Variants in PRKG1 observed in about 807,000 individuals in gnomAD.
PRKG1 encodes the protein cGMP-dependent protein kinase 1.
A neutral mutation model predicts 88.1 loss-of-function variants in PRKG1; 35 were observed. The observed-to-expected ratio is 0.40, with a 90% CI of 0.30 to 0.53. PRKG1 has a LOEUF of 0.53. Ranked by LOEUF, PRKG1 falls within the 20% of genes least tolerant of loss-of-function variation. The pLI, the probability that PRKG1 is intolerant of heterozygous loss-of-function variation, is 0.59. For missense variants in PRKG1, 540 were observed against 839.8 expected, an observed-to-expected ratio of 0.64 and a Z score of 4.41; for synonymous variants, 303 against 292.5, an observed-to-expected ratio of 1.04 and a Z score of -0.37.
At chr10:51,060,980 AGGT>A (rs1843684953) in intron 1 of PRKG1, among the ~76,000 whole-genome samples, 1 of 151,308 alleles carries the variant, frequency 6.6e-6, no homozygotes. Flanking sequence ...GTTCCTTTGA[AGGT>A]TGCAGATATT....
At chr10:51,609,359 T>A (rs971340559) in intron 3 of PRKG1, among the ~76,000 whole-genome samples, 7 of 152,132 alleles carry the variant, frequency 4.6e-5, no homozygotes, top group African/African-American at 1.7e-4. Context: ...TGTCATTTTT[T>A]AAATATTGTT....
At chr10:51,542,990 A>G (rs1842347564) in intron 3 of PRKG1, among the ~76,000 whole-genome samples, 1 of 152,164 alleles carries the variant, frequency 6.6e-6, no homozygotes, top group South Asian at 2.1e-4. Context: ...CAAACCCATA[A>G]ACAGGAGTGG....
At chr10:51,644,718 T>G (rs1442235428) in intron 3 of PRKG1, among the ~76,000 whole-genome samples, 1 of 152,152 alleles carries the variant, frequency 6.6e-6, no homozygotes, top group Non-Finnish European at 1.5e-5. Flanking sequence ...TGTTTAGAGA[T>G]GCACAATCTG....
At chr10:51,359,383 A>G (rs1483548656) in intron 2 of PRKG1, among the ~76,000 whole-genome samples, 1 of 151,830 alleles carries the variant, frequency 6.6e-6, no homozygotes, top group African/African-American at 2.4e-5. Context: ...CTAGAGATAC[A>G]TAGATTACCT....
At chr10:51,420,342 G>A (rs1838374635) in intron 2 of PRKG1, among the ~76,000 whole-genome samples, 1 of 152,094 alleles carries the variant, frequency 6.6e-6, no homozygotes, top group South Asian at 2.1e-4. Flanking sequence ...AAGATTTTTG[G>A]TTCAGTAGAA....
chr10:51,182,545 C>A (rs1174121088), intron 2 of PRKG1, among the ~76,000 whole-genome samples: 1 of 152,120 alleles, frequency 6.6e-6, no homozygotes, highest in African/African-American at 2.4e-5. Flanking sequence ...CTTACTACTG[C>A]CCATATTTAT....
At chr10:51,841,832 A>C (rs1236589624) in intron 4 of PRKG1, among the ~76,000 whole-genome samples, 2 of 151,958 alleles carry the variant, frequency 1.3e-5, no homozygotes, top group Admixed American at 1.3e-4. Context: ...ATAGATGTGC[A>C]CCTCCAGGCC....
chr10:51,067,761 A>G (rs1007001553), intron 1 of PRKG1, among the ~76,000 whole-genome samples: 4 of 152,002 alleles, frequency 2.6e-5, no homozygotes, highest in East Asian at 3.8e-4. Context: ...GAAATTTCCT[A>G]TTGTACATTT....
In PRKG1 at chr10:51,691,269, A is replaced by G. The variant is rs1195632316; in HGVS notation, c.593-113316A>G. On this transcript the variant is annotated intron_variant, in intron 3 of 17. Coordinates refer to ENST00000373980, the MANE Select transcript of PRKG1 (RefSeq NM_006258.4). ...TTGCTGGTTGATTTTGCAGAAATAC[A>G]TGTGCCGAACCAGTTGCTAAACAGG... 8.1e-5 allele frequency among the ~76,000 whole-genome samples: 12 copies of G among 148,448 alleles called. No individual in the cohort carries two copies. The East Asian group carries it at 2.3e-3, about 29-fold the overall frequency.
chr10:51,719,830 A>G (rs1841970255), intron 3 of PRKG1, among the ~76,000 whole-genome samples: 1 of 152,160 alleles, frequency 6.6e-6, no homozygotes, highest in African/African-American at 2.4e-5. Context: ...AAAAGAAAAC[A>G]AATAAAAGAG....
At chr10:51,677,810 G>A (rs559433699) in intron 3 of PRKG1, among the ~76,000 whole-genome samples, 1 of 152,300 alleles carries the variant, frequency 6.6e-6, no homozygotes, top group South Asian at 2.1e-4. Context: ...TGTATGTTAA[G>A]TGCATCTTTA....
At chr10:51,830,548 GTTTTTTTTTTTGTTT>G (rs1270428898) in intron 4 of PRKG1, among the ~76,000 whole-genome samples, 6,102 of 116,202 alleles carry the variant, frequency 0.053, 400 homozygotes, top group African/African-American at 0.16. Flanking sequence ...CTCTTAAAGT[GTTTTTTTTTTTGTTT>G]TTTTTTTTTT....
chr10:52,203,746 A>C (rs77781442), intron 9 of PRKG1, among the ~76,000 whole-genome samples: 1,997 of 152,338 alleles, frequency 0.013, 17 homozygotes, highest in Middle Eastern at 0.048. Context: ...TATTGAATTG[A>C]ACATTTTACC....
At chr10:51,613,651 G>A (rs992915541) in intron 3 of PRKG1, among the ~76,000 whole-genome samples, 2 of 151,318 alleles carry the variant, frequency 1.3e-5, no homozygotes, top group Non-Finnish European at 3.0e-5. Flanking sequence ...TCTTAGCAGT[G>A]GTTTTGCTGT....
chr10:51,909,946 G>C (rs1040774080), intron 5 of PRKG1: 18 of 152,264 alleles, frequency 1.2e-4, no homozygotes, highest in Admixed American at 1.0e-3. Flanking sequence ...AAGCACAAGA[G>C]AATAGGCGCT....
rs117200383 is a variant in PRKG1, at chr10:52,081,669, C to T, written c.935+19038C>T. 2.5e-4 allele frequency: 114 copies of T among 456,336 alleles called. No homozygotes were observed. In the East Asian group the frequency reaches 5.4e-3, roughly 22 times the overall value. 28.3% of individuals were successfully genotyped at this position (456,336 alleles called of 1,614,324 possible). A position where few individuals can be genotyped will look rare whatever the true frequency, so the allele number is the denominator to read the frequency against. The stretch of plus-strand genomic sequence containing the variant: ...TCTTACATTCTGAGGTAAGGAGTAA[C>T]GAGAAAAAGAAGCTAGAAGATGACG... On this transcript the variant is annotated intron_variant, in intron 7 of 17. Transcript: ENST00000373980.
rs188320772 is a variant in PRKG1 at position 51,762,523 on chromosome 10, A to G, written c.593-42062A>G. Reference sequence around the variant, plus strand: ...CGACCTTAAATTCTACATCTAAAATATGATGGATAAAATGCAAAATGCCCT... The same window carrying G: ...CGACCTTAAATTCTACATCTAAAATGTGATGGATAAAATGCAAAATGCCCT... On this transcript the variant is annotated intron_variant, in intron 3 of 17. Transcript: ENST00000373980. 8.8e-4 allele frequency among the ~76,000 whole-genome samples: 134 copies of G among 152,340 alleles called. 4 individuals are homozygous for G. Among genetic ancestry groups the G allele is most frequent in the Admixed American group, 7.8e-3 (119 of 15,304 alleles).
At chr10:51,712,680 C>T (rs1018230528) in intron 3 of PRKG1, among the ~76,000 whole-genome samples, 23 of 149,242 alleles carry the variant, frequency 1.5e-4, no homozygotes, top group African/African-American at 5.2e-4. Context: ...ATCTCTGCCT[C>T]CCAGGTTCAC....
chr10:51,213,370 G>C (rs1310263336), intron 2 of PRKG1, among the ~76,000 whole-genome samples: 1 of 152,196 alleles, frequency 6.6e-6, no homozygotes, highest in Non-Finnish European at 1.5e-5. Context: ...AATGCTAAAT[G>C]ACCAGTTAAT....
Sources: gnomAD v4.1 joint callset for allele counts (sites outside exome capture counted in the v4.1 genomes callset) on GRCh38, gnomAD v4.1.1 for gene constraint, MANE v1.5 for transcripts, NCBI Gene and HGNC (gene_info 2026-07-23, HGNC 2026-07-21) for gene names.